Variants in RNLS observed in about 807,000 individuals in gnomAD.
RNLS encodes the protein renalase.
A neutral mutation model predicts 39.8 loss-of-function variants in RNLS; 39 were observed. The observed-to-expected ratio is 0.98, with a 90% CI of 0.76 to 1.28. The LOEUF is 1.28. RNLS is among the 50% of genes most tolerant of loss of function. RNLS has a pLI of 0.00. For synonymous variants in RNLS, 147 were observed against 150.7 expected, an observed-to-expected ratio of 0.98 and a Z score of 0.18; for missense variants, 410 against 413.3, an observed-to-expected ratio of 0.99 and a Z score of 0.07.
chr10:88,356,003 T>G (rs1055921276), intron 5 of RNLS, among the ~76,000 whole-genome samples: 1 of 152,240 alleles, frequency 6.6e-6, no homozygotes, highest in Non-Finnish European at 1.5e-5. Context: ...TCCGTGGGCA[T>G]GGGACCCTCT....
chr10:88,350,249 T>C (rs1223435475), intron 5 of RNLS, among the ~76,000 whole-genome samples: 4 of 152,128 alleles, frequency 2.6e-5, no homozygotes, highest in African/African-American at 7.2e-5. Flanking sequence ...ATTTTTATTA[T>C]ACTTTAAGTT....
intron 4 of RNLS, among the ~76,000 whole-genome samples, chr10:88,500,006 T>A (rs1217607576): frequency 6.6e-6 from 1 of 152,156 alleles, no homozygotes; most frequent in Non-Finnish European, 1.5e-5. Context: ...GGAGAAAGAA[T>A]TCTAAGAATG....
intron 4 of RNLS, among the ~76,000 whole-genome samples, chr10:88,408,171 C>A (rs561438548): frequency 3.3e-5 from 5 of 152,194 alleles, no homozygotes; most frequent in Admixed American, 6.6e-5. Flanking sequence ...ATAATCATGG[C>A]GGCTTTATGT....
At chr10:88,508,841 T>G (rs1398170684) in intron 4 of RNLS, among the ~76,000 whole-genome samples, 1 of 152,124 alleles carries the variant, frequency 6.6e-6, no homozygotes, top group Non-Finnish European at 1.5e-5. Flanking sequence ...GCACCAATAA[T>G]GTCAAATATT....
intron 4 of RNLS, among the ~76,000 whole-genome samples, chr10:88,471,336 A>AGTGGATTTCT (rs1401668477): frequency 1.9e-4 from 29 of 152,212 alleles, no homozygotes; most frequent in African/African-American, 6.5e-4. Context: ...CTACAGAATA[A>AGTGGATTTCT]ACTCCAAAAA....
chr10:88,191,957 C>T, the RNLS span, among the ~76,000 whole-genome samples: 3 of 151,534 alleles, frequency 2.0e-5, no homozygotes, highest in African/African-American at 7.3e-5. Flanking sequence ...GCTTGGGGTG[C>T]CCCATAGGCT....
intron 4 of RNLS, among the ~76,000 whole-genome samples, chr10:88,421,304 AT>A (rs1854395185): frequency 6.6e-6 from 1 of 152,208 alleles, no homozygotes; most frequent in African/African-American, 2.4e-5. Flanking sequence ...TACTCATAGA[AT>A]AAAAAGAAGC....
At chr10:88,575,155 TATATAC>T (rs1251490664) in intron 3 of RNLS, among the ~76,000 whole-genome samples, 18 of 62,060 alleles carry the variant, frequency 2.9e-4, no homozygotes, top group South Asian at 1.2e-3. Context: ...TATATATATA[TATATAC>T]ACACACACAC....
intron 4 of RNLS, among the ~76,000 whole-genome samples, chr10:88,432,388 T>C (rs1430579529): frequency 6.6e-6 from 1 of 151,926 alleles, no homozygotes; most frequent in East Asian, 1.9e-4. Context: ...CATATAGTTA[T>C]GTCCTGATTT....
intron 4 of RNLS, among the ~76,000 whole-genome samples, chr10:88,559,450 C>T (rs1046123889): frequency 1.1e-4 from 16 of 152,082 alleles, no homozygotes; most frequent in Non-Finnish European, 1.5e-5. Context: ...CTCCAAGGCT[C>T]ACCATAATCT....
intron 4 of RNLS, among the ~76,000 whole-genome samples, chr10:88,403,754 G>C (rs1853083855): frequency 6.6e-6 from 1 of 151,836 alleles, no homozygotes; most frequent in Admixed American, 6.6e-5. Context: ...ATACAGGATG[G>C]GCTGTGCCTG....
the RNLS span, among the ~76,000 whole-genome samples, chr10:88,190,611 A>G: frequency 6.6e-6 from 1 of 152,138 alleles, no homozygotes; most frequent in Admixed American, 6.5e-5. Flanking sequence ...TTATTCTTTT[A>G]CAGCAAGTTT....
chr10:88,456,317 T>C lies in RNLS; in HGVS notation c.527-93592A>G, dbSNP rs563695058. ...TTACAACTTTCCTTAATTTTATATA[T>C]ATGATATATTTTATTTCTATCATAT... is the stretch of plus-strand genomic sequence containing the variant. On this transcript the variant is annotated intron_variant, in intron 4 of 6. Coordinates refer to ENST00000331772, the MANE Select transcript of RNLS (RefSeq NM_001031709.3). Among the ~76,000 whole-genome samples, 112 of 150,804 alleles carry C rather than the reference T, an allele frequency of 7.4e-4. 1 individual carries two copies. The highest frequency in any genetic ancestry group is 7.1e-3 in the South Asian group (34 of 4,800).
intron 4 of RNLS, among the ~76,000 whole-genome samples, chr10:88,546,643 G>A (rs1282549624): frequency 6.6e-6 from 1 of 152,068 alleles, no homozygotes; most frequent in Non-Finnish European, 1.5e-5. Context: ...GTAAAATCTA[G>A]TCCAGATTGT....
the RNLS span, among the ~76,000 whole-genome samples, chr10:88,249,192 C>T: frequency 6.6e-6 from 1 of 152,120 alleles, no homozygotes; most frequent in African/African-American, 2.4e-5. Context: ...TATCTTAAGC[C>T]CCAGCTGTTT....
At chr10:88,279,612 A>G (rs549588621), downstream of RNLS, among the ~76,000 whole-genome samples, 1 of 107,068 alleles carries the variant, frequency 9.3e-6, no homozygotes, top group South Asian at 3.1e-4. Flanking sequence ...TTAGCCAAAC[A>G]CTTAGGAGTG....
intron 4 of RNLS, among the ~76,000 whole-genome samples, chr10:88,415,147 G>A (rs1434310046): frequency 6.6e-6 from 1 of 152,214 alleles, no homozygotes; most frequent in Admixed American, 6.5e-5. Flanking sequence ...CTGAGGATCA[G>A]GGTAAACATT....
chr10:88,253,437 G>A, the RNLS span, among the ~76,000 whole-genome samples: 6 of 152,198 alleles, frequency 3.9e-5, no homozygotes, highest in Non-Finnish European at 8.8e-5. Flanking sequence ...TCCAGGGGTG[G>A]CAACTGGGGA....
At chr10:88,215,714 T>C in the RNLS span, among the ~76,000 whole-genome samples, 59 of 147,186 alleles carry the variant, frequency 4.0e-4, no homozygotes, top group Non-Finnish European at 6.0e-4. Context: ...TTTTTTTTTT[T>C]CCGAGATGGA....
Sources: allele counts gnomAD v4.1 joint callset (sites outside exome capture counted in the v4.1 genomes callset), GRCh38; gene constraint gnomAD v4.1.1; transcripts MANE v1.5; gene names NCBI Gene and HGNC (gene_info 2026-07-23, HGNC 2026-07-21).